PCDHGB1: variants seen among roughly 807,000 people sequenced by gnomAD.
PCDHGB1 encodes the protein protocadherin gamma-B1.
A neutral mutation model predicts 56.6 loss-of-function variants in PCDHGB1; 34 were observed. The ratio of observed to expected loss-of-function variants is 0.60; its 90% CI spans 0.46 to 0.80. PCDHGB1 has a LOEUF of 0.80. Ranked by LOEUF, PCDHGB1 falls within the 30% of genes least tolerant of loss-of-function variation. The pLI, the probability that PCDHGB1 is intolerant of heterozygous loss-of-function variation, is 0.00. For synonymous variants in PCDHGB1, 561 were observed against 505.9 expected, an observed-to-expected ratio of 1.11 and a Z score of -1.46; for missense variants, 1,278 against 1,204.6, an observed-to-expected ratio of 1.06 and a Z score of -0.90.
intron 1 of PCDHGB1, among the ~76,000 whole-genome samples, chr5:141,460,653 G>A (rs10058370): frequency 0.17 from 25,559 of 151,914 alleles, 2,196 homozygotes; most frequent in South Asian, 0.22. Flanking sequence ...TTACACATAT[G>A]TAACTGTAAA....
intron 1 of PCDHGB1, chr5:141,423,389 A>G (rs568843632): frequency 2.5e-6 from 4 of 1,614,160 alleles, no homozygotes; most frequent in Admixed American, 1.7e-5. Flanking sequence ...TGGCGCTGGC[A>G]TAAGTCACGC....
At position 141,381,559 on chromosome 5, in the gene PCDHGB1, A is replaced by G. The variant is rs547767768; in HGVS notation, c.2409+28890A>G. 3.2e-4 allele frequency among the ~76,000 whole-genome samples: 48 copies of G among 152,342 alleles called. No individual in the cohort carries two copies. In the Middle Eastern group the frequency reaches 0.01, roughly 32 times the overall value. ...AGGATGAAGACTTGAATTGAATTGC[A>G]TAATGAAAAGAATCAGCCAATCCAT... On this transcript the variant is annotated intron_variant, in intron 1 of 3. Transcript: ENST00000523390.
intron 3 of PCDHGB1, among the ~76,000 whole-genome samples, chr5:141,509,781 T>TCATC (rs1198131164): frequency 6.6e-6 from 1 of 152,116 alleles, no homozygotes; most frequent in Non-Finnish European, 1.5e-5. Flanking sequence ...GTCCCCGAGA[T>TCATC]CATCATCTCC....
Position 141,350,812 on chromosome 5 carries a change from T to C in PCDHGB1, c.552T>C (p.Asp184=). The C allele has an allele frequency of 6.2e-7, 1 of 1,614,022 alleles. No individual in the cohort carries two copies. The highest frequency in any genetic ancestry group is 2.2e-5 in the East Asian group (1 of 44,882). ...YFSLSTKESP[D]GSKYPVLLLE... ...CTCTGTCAACGAAGGAAAGTCCTGA[T>C]GGAAGTAAATATCCGGTATTACTGC... The change falls in exon 1 of 4, where the codon GAT becomes GAC. Residue 184 remains aspartate (D), a synonymous_variant. Transcript: ENST00000523390.
chr5:141,512,656 C>G lies in PCDHGB1; in HGVS notation c.*1483C>G, dbSNP rs1262748947. ...CCCTTACAGTAGTGTAGCGCCCCCT[C>G]CCTCTTTCGGCTGGTGTAGAATAGC... On this transcript the variant is annotated 3_prime_UTR_variant, in exon 4 of 4. Coordinates refer to ENST00000523390, the MANE Select transcript of PCDHGB1 (RefSeq NM_018922.3). 1 of 152,508 alleles carries G rather than the reference C, an allele frequency of 6.6e-6. No homozygotes were observed. The highest frequency in any genetic ancestry group is 1.5e-5 in the Non-Finnish European group (1 of 68,228). The allele number at this position is 152,508 out of a possible 1,614,324, so 9.4% of individuals were successfully genotyped here.
chr5:141,373,632 T>C (rs1769740569), intron 1 of PCDHGB1, among the ~76,000 whole-genome samples: 1 of 152,264 alleles, frequency 6.6e-6, no homozygotes, highest in African/African-American at 2.4e-5. Context: ...ATATTATTTC[T>C]GTTCCCCAAG....
At chr5:141,385,826 TTACAG>T (rs2090363283) in intron 1 of PCDHGB1, 1 of 155,578 alleles carries the variant, frequency 6.4e-6, no homozygotes, top group Non-Finnish European at 1.4e-5. Flanking sequence ...CTTGACCTAT[TTACAG>T]TATAATCATT....
chr5:141,433,935 T>C (rs2097665519), intron 1 of PCDHGB1, among the ~76,000 whole-genome samples: 1 of 152,150 alleles, frequency 6.6e-6, no homozygotes, highest in African/African-American at 2.4e-5. Context: ...GATTTTATAA[T>C]TCCATTGTTT....
At position 141,481,719 on chromosome 5, in the gene PCDHGB1, G is replaced by A. The variant is rs1055207250; in HGVS notation, c.2410-13088G>A. On this transcript the variant is annotated intron_variant, in intron 1 of 3. Coordinates refer to ENST00000523390, the MANE Select transcript of PCDHGB1 (RefSeq NM_018922.3). ...CTGTAATCCCAGCACTTTGGGAGGC[G>A]GAGGCGGGCGGATCACGAGGTCAGG... 5.3e-5 allele frequency among the ~76,000 whole-genome samples: 8 copies of A among 151,716 alleles called. No homozygotes were observed. In the East Asian group the frequency reaches 9.7e-4, roughly 18 times the overall value.
At chr5:141,383,932 C>G in intron 1 of PCDHGB1, 3 of 1,613,794 alleles carry the variant, frequency 1.9e-6, no homozygotes, top group Non-Finnish European at 2.5e-6. Flanking sequence ...TGATAATGCT[C>G]CAGAAGTGAC....
chr5:141,357,236 A>G (rs756707851), intron 1 of PCDHGB1: 2 of 1,613,634 alleles, frequency 1.2e-6, no homozygotes, highest in East Asian at 4.5e-5. Context: ...GGCAGCCTCA[A>G]GCCTTCAGCA....
intron 1 of PCDHGB1, among the ~76,000 whole-genome samples, chr5:141,484,569 AGACT>A (rs1376518478): frequency 1.3e-5 from 2 of 152,106 alleles, no homozygotes; most frequent in African/African-American, 2.4e-5. Context: ...CAATACAATC[AGACT>A]GAGACGGAAG....
intron 1 of PCDHGB1, among the ~76,000 whole-genome samples, chr5:141,467,047 A>G (rs1271306217): frequency 1.3e-5 from 2 of 149,986 alleles, no homozygotes; most frequent in East Asian, 3.9e-4. Context: ...GTAATGAATC[A>G]ATGTTTTCTT....
intron 1 of PCDHGB1, among the ~76,000 whole-genome samples, chr5:141,474,432 C>T (rs1050895539): frequency 6.6e-6 from 1 of 152,214 alleles, no homozygotes; most frequent in Non-Finnish European, 1.5e-5. Context: ...GGTCCTCACA[C>T]TTTGAGTAGC....
chr5:141,393,331 G>A (rs2092730399), intron 1 of PCDHGB1: 1 of 1,613,860 alleles, frequency 6.2e-7, no homozygotes. Flanking sequence ...TACCAGCTCA[G>A]CCCCAATCAC....
chr5:141,403,661 G>C (rs2094439419), intron 1 of PCDHGB1: 1 of 1,613,904 alleles, frequency 6.2e-7, no homozygotes, highest in Non-Finnish European at 8.5e-7. Context: ...GGATACAAAT[G>C]ATAATGCCCC....
rs758099753 is a variant in PCDHGB1, at chr5:141,432,129, A to G, written c.2410-62678A>G. The G allele has an allele frequency of 5.6e-6, 9 of 1,614,054 alleles. No homozygotes were observed. The highest frequency in any genetic ancestry group is 5.5e-5 in the South Asian group (5 of 91,056). On this transcript the variant is annotated intron_variant, in intron 1 of 3. Transcript: ENST00000523390. The surrounding 1 kb of genome is among the most constrained non-coding windows in gnomAD (Gnocchi z 6.0). Reference sequence around the variant, plus strand: ...CCGCCGGTCTTCCCTCAGGCCTCCTATTCCGCTTATATCCCAGAGAACAAT... The same window carrying G: ...CCGCCGGTCTTCCCTCAGGCCTCCTGTTCCGCTTATATCCCAGAGAACAAT...
chr5:141,354,662 C>G (rs1183093818), intron 1 of PCDHGB1, among the ~76,000 whole-genome samples: 1 of 152,142 alleles, frequency 6.6e-6, no homozygotes, highest in East Asian at 1.9e-4. Flanking sequence ...CCACCTTTGT[C>G]TTTAGGAGAG....
At chr5:141,443,209 C>T (rs1183847804) in intron 1 of PCDHGB1, among the ~76,000 whole-genome samples, 2 of 152,030 alleles carry the variant, frequency 1.3e-5, no homozygotes, top group African/African-American at 2.4e-5. Flanking sequence ...GAGCTTGTCT[C>T]GCCAGGCGCA....
Sources: allele counts gnomAD v4.1 joint callset (sites outside exome capture counted in the v4.1 genomes callset), GRCh38; gene constraint gnomAD v4.1.1; non-coding constraint Gnocchi (gnomAD v3.1); transcripts MANE v1.5; gene names NCBI Gene and HGNC (gene_info 2026-07-23, HGNC 2026-07-21).